The following SCHIP1 variants were observed in gnomAD, a reference collection of about 807,000 sequenced individuals.
SCHIP1 encodes the protein schwannomin interacting protein 1, also known as schwannomin-interacting protein 1.
A neutral mutation model predicts 29.7 loss-of-function variants in SCHIP1; 8 were observed. The observed-to-expected ratio is 0.27, with a 90% CI of 0.16 to 0.49. The LOEUF is 0.49. Ranked by LOEUF, SCHIP1 falls within the 20% of genes least tolerant of loss-of-function variation. SCHIP1 has a pLI of 0.99. For missense variants in SCHIP1, 193 were observed against 294.6 expected (o/e 0.66, Z 2.52); for synonymous variants, 76 against 94.9 (o/e 0.80, Z 1.16).
At chr3:159,537,267 C>T in the SCHIP1 span, among the ~76,000 whole-genome samples, 2 of 152,148 alleles carry the variant, frequency 1.3e-5, no homozygotes, top group Admixed American at 6.6e-5. Context: ...AGGAACATCA[C>T]CCCAAGTAGA....
chr3:159,571,735 G>A, the SCHIP1 span, among the ~76,000 whole-genome samples: 3 of 152,230 alleles, frequency 2.0e-5, no homozygotes, highest in East Asian at 3.9e-4. Flanking sequence ...GGTAAAATTC[G>A]GCTGTGAATC....
chr3:159,544,935 A>G, the SCHIP1 span, among the ~76,000 whole-genome samples: 1 of 152,132 alleles, frequency 6.6e-6, no homozygotes, highest in East Asian at 1.9e-4. Flanking sequence ...GATCATAAAA[A>G]TGTTCTATGT....
the SCHIP1 span, among the ~76,000 whole-genome samples, chr3:159,553,567 A>G: frequency 4.6e-5 from 7 of 152,218 alleles, no homozygotes; most frequent in African/African-American, 1.4e-4. Context: ...GTTTTACTTA[A>G]ACTCTTTTCC....
At chr3:159,498,277 A>G in the SCHIP1 span, among the ~76,000 whole-genome samples, 3 of 152,192 alleles carry the variant, frequency 2.0e-5, no homozygotes, top group South Asian at 2.1e-4. Context: ...ACTCATTTCT[A>G]TCTTTTAAGG....
At chr3:159,538,591 T>A in the SCHIP1 span, among the ~76,000 whole-genome samples, 2 of 152,170 alleles carry the variant, frequency 1.3e-5, no homozygotes, top group Non-Finnish European at 2.9e-5. Flanking sequence ...AGCTTCAACC[T>A]TGACATAGTG....
chr3:159,736,872 C>G, the SCHIP1 span, among the ~76,000 whole-genome samples: 1 of 152,048 alleles, frequency 6.6e-6, no homozygotes, highest in Non-Finnish European at 1.5e-5. Context: ...GTAGCTGGGA[C>G]TACAGGCACC....
chr3:159,806,745 C>G, the SCHIP1 span, among the ~76,000 whole-genome samples: 1 of 152,208 alleles, frequency 6.6e-6, no homozygotes, highest in Admixed American at 6.5e-5. Flanking sequence ...TGAGCAGGGC[C>G]CTCCACTCGC....
chr3:159,587,979 T>C, the SCHIP1 span, among the ~76,000 whole-genome samples: 1 of 152,222 alleles, frequency 6.6e-6, no homozygotes, highest in South Asian at 2.1e-4. Context: ...TTTGGGTATA[T>C]ACCCAGTAAT....
the SCHIP1 span, among the ~76,000 whole-genome samples, chr3:159,600,396 A>AT: frequency 6.6e-6 from 1 of 152,008 alleles, no homozygotes; most frequent in Non-Finnish European, 1.5e-5. Context: ...CTTTTTCATC[A>AT]TTTTTTGTCC....
the SCHIP1 span, among the ~76,000 whole-genome samples, chr3:159,696,217 A>T: frequency 1.3e-5 from 2 of 152,070 alleles, no homozygotes; most frequent in Non-Finnish European, 2.9e-5. Context: ...TTCCTTTACC[A>T]CCACCGTACC....
the SCHIP1 span, among the ~76,000 whole-genome samples, chr3:159,758,475 T>C: frequency 6.6e-6 from 1 of 152,154 alleles, no homozygotes; most frequent in Non-Finnish European, 1.5e-5. Flanking sequence ...TGAGAATTGC[T>C]AGCAACTTAA....
the SCHIP1 span, among the ~76,000 whole-genome samples, chr3:159,402,877 C>T: frequency 6.6e-6 from 1 of 151,844 alleles, no homozygotes; most frequent in Non-Finnish European, 1.5e-5. Flanking sequence ...CACATGTATA[C>T]ATATGTAACA....
At chr3:159,885,681 C>T (rs1716893202) in intron 2 of SCHIP1, among the ~76,000 whole-genome samples, 1 of 152,194 alleles carries the variant, frequency 6.6e-6, no homozygotes, top group Admixed American at 6.5e-5. Context: ...TATAAATGAG[C>T]TCCCTTGGTT....
At chr3:159,494,506 G>T in the SCHIP1 span, among the ~76,000 whole-genome samples, 3 of 152,192 alleles carry the variant, frequency 2.0e-5, no homozygotes, top group African/African-American at 7.2e-5. Context: ...AAATCTAGAA[G>T]AAATGGATAA....
the SCHIP1 span, among the ~76,000 whole-genome samples, chr3:159,420,809 T>C: frequency 1.2e-4 from 18 of 152,234 alleles, no homozygotes; most frequent in Non-Finnish European, 1.8e-4. Flanking sequence ...AGAAGCTTTA[T>C]TGAGACATTT....
chr3:159,585,774 C>G, the SCHIP1 span, among the ~76,000 whole-genome samples: 1 of 152,014 alleles, frequency 6.6e-6, no homozygotes, highest in Non-Finnish European at 1.5e-5. Context: ...CTCTTAACAG[C>G]TATACTATAT....
the SCHIP1 span, among the ~76,000 whole-genome samples, chr3:159,679,150 C>T: frequency 6.6e-6 from 1 of 152,132 alleles, no homozygotes; most frequent in Admixed American, 6.5e-5. Context: ...ATGACTGTCT[C>T]TGCTCTTCAA....
chr3:159,873,052 C>T (rs928992615), intron 2 of SCHIP1, among the ~76,000 whole-genome samples: 7 of 152,174 alleles, frequency 4.6e-5, no homozygotes, highest in Non-Finnish European at 7.4e-5. Context: ...TTATGCCCTC[C>T]TCCAAGGATT....
At chr3:159,739,887 G>T in the SCHIP1 span, among the ~76,000 whole-genome samples, 1 of 152,204 alleles carries the variant, frequency 6.6e-6, no homozygotes, top group African/African-American at 2.4e-5. Context: ...CATTTATTCT[G>T]TTGAAAGAGT....
Sources: allele counts gnomAD v4.1 joint callset (sites outside exome capture counted in the v4.1 genomes callset), GRCh38; gene constraint gnomAD v4.1.1; transcripts MANE v1.5; gene names NCBI Gene and HGNC (gene_info 2026-07-23, HGNC 2026-07-21).